NTAN1: variants seen among roughly 807,000 people sequenced by gnomAD.
The protein encoded by NTAN1 is protein N-terminal asparagine amidohydrolase.
In NTAN1, 32 loss-of-function variants were observed where a neutral mutation model predicts 41.9. The ratio of observed to expected loss-of-function variants is 0.76; its 90% CI spans 0.58 to 1.03. The LOEUF is 1.03. Among genes scored for constraint, NTAN1 ranks in the 50% least tolerant of loss-of-function variants. The pLI is 0.00. For synonymous variants in NTAN1, 140 were observed against 139.5 expected (o/e 1.00, Z -0.03); for missense variants, 377 against 377.5 (o/e 1.00, Z 0.01).
chr16:15,053,481 A>T (rs4985149), intron 1 of NTAN1, among the ~76,000 whole-genome samples: 45,661 of 151,770 alleles, frequency 0.3, 7,294 homozygotes, highest in Admixed American at 0.45. Flanking sequence ...TCATTTTTTT[A>T]AAAAAAGTAA....
intron 1 of NTAN1, 21 bp from the exon 2 acceptor site, chr16:15,048,120 T>G: frequency 6.8e-7 from 1 of 1,460,844 alleles, no homozygotes; most frequent in Non-Finnish European, 9.5e-7. Context: ...AAAAAAAAAA[T>G]AAAATAGTGA....
At chr16:15,039,878 A>G (rs1308999906) in intron 8 of NTAN1, 91 bp downstream of exon 8, 2 of 732,720 alleles carry the variant, frequency 2.7e-6, no homozygotes, top group African/African-American at 3.5e-5. Context: ...AGCTGACAGC[A>G]TAAACTTTTC....
At chr16:15,044,472 T>G (rs1247470764) in intron 4 of NTAN1, 65 bp from the exon 5 acceptor site, 3 of 1,046,626 alleles carry the variant, frequency 2.9e-6, no homozygotes, top group Non-Finnish European at 4.5e-6. Flanking sequence ...TGGTCTCACT[T>G]TGAACTTTCA....
intron 9 of NTAN1, 94 bp from the exon 10 acceptor site, chr16:15,038,304 TATATATAATA>T (rs1025976066): frequency 6.8e-6 from 6 of 883,150 alleles, no homozygotes; most frequent in Non-Finnish European, 1.0e-5. Context: ...TGGACACAAA[TATATATAATA>T]AAATACGTTA....
In NTAN1 at chr16:15,047,865, C is replaced by G. The variant is rs1202290663; in HGVS notation, c.240G>C (p.Leu80=). The G allele has an allele frequency of 3.7e-6, 6 of 1,612,560 alleles. No homozygotes were observed. In the Admixed American group the frequency reaches 8.3e-5, roughly 22 times the overall value. The change falls in exon 3 of 10, where the codon CTG becomes CTC. Residue 80 remains leucine (L), a synonymous_variant. Transcript: ENST00000287706. ...CCTCTCTCATCATACCTGTGTGCCT[C>G]AGGACCACAATGTGACAAGTAGTGG... The part of the protein sequence containing the change: ...DDATTCHIVV[L]RHTGNGATCL...
At position 15,055,991 on chromosome 16, in the gene NTAN1, G is replaced by A. The variant is rs939958871; in HGVS notation, c.-20C>T. 7.2e-4 allele frequency: 862 copies of A among 1,202,690 alleles called. 8 individuals are homozygous for A. Among genetic ancestry groups the A allele is most frequent in the Middle Eastern group, 3.2e-4 (1 of 3,086 alleles). 74.5% of individuals were successfully genotyped at this position (1,202,690 alleles called of 1,614,324 possible). A position where few individuals can be genotyped will look rare whatever the true frequency, so the allele number is the denominator to read the frequency against. On this transcript the variant is annotated 5_prime_UTR_variant, in exon 1 of 10. Transcript: ENST00000287706. ...CGGCATCGCGGAGGCGGCCGCCCAG[G>A]CAGGCCCAGGGAGGCGGCGGCCCCC...
At chr16:15,055,259 T>C (rs912685290) in intron 1 of NTAN1, among the ~76,000 whole-genome samples, 1 of 152,152 alleles carries the variant, frequency 6.6e-6, no homozygotes, top group Non-Finnish European at 1.5e-5. Flanking sequence ...GAGATCTATT[T>C]GAGCACAAAA....
intron 5 of NTAN1, 46 bp downstream of exon 5, chr16:15,044,288 C>A (rs757361107): frequency 2.3e-6 from 3 of 1,310,932 alleles, no homozygotes; most frequent in East Asian, 2.3e-5. Flanking sequence ...AATATGGGTA[C>A]ATATTTATGT....
Position 15,044,423 on chromosome 16 carries a change from G to T in NTAN1, c.360-16C>A. On this transcript the variant is annotated splice_polypyrimidine_tract_variant and intron_variant, in intron 4 of 9. Coordinates refer to ENST00000287706, the MANE Select transcript of NTAN1 (RefSeq NM_173474.4). ...TACTTCCAGCCTGGCAAAGAGATGAGACGGGTCAGAGGCCAGAAGAAGACA... is the reference window on the plus strand; with the variant it reads ...TACTTCCAGCCTGGCAAAGAGATGATACGGGTCAGAGGCCAGAAGAAGACA... The T allele has an allele frequency of 6.3e-7, 1 of 1,594,906 alleles. No homozygotes were observed. Among genetic ancestry groups the T allele is most frequent in the Non-Finnish European group, 8.6e-7 (1 of 1,162,536 alleles).
At chr16:15,040,512 T>A in intron 7 of NTAN1, 1 of 174,918 alleles carries the variant, frequency 5.7e-6, no homozygotes, top group Non-Finnish European at 1.2e-5. Flanking sequence ...ATCAATCAAG[T>A]ATCACCGCTA....
chr16:15,040,577 C>G (rs1441928359), intron 7 of NTAN1: 1 of 173,514 alleles, frequency 5.8e-6, no homozygotes, highest in African/African-American at 2.4e-5. Context: ...CCGCGGGAGT[C>G]CTGGGGCTGC....
chr16:15,047,292 T>C (rs1269997298), intron 4 of NTAN1, 150 bp downstream of exon 4: 34 of 632,604 alleles, frequency 5.4e-5, no homozygotes. Context: ...GCTGACGCAG[T>C]GCCCACGTCG....
chr16:15,041,824 TATGGGGCCAGACA>T, intron 5 of NTAN1, 148 bp from the exon 6 acceptor site: 1 of 690,160 alleles, frequency 1.4e-6, no homozygotes, highest in East Asian at 2.8e-5. Flanking sequence ...CAGCCTGGCC[TATGGGGCCAGACA>T]CTAGGGAGCT....
At chr16:15,040,144 C>T (rs2043745842) in intron 7 of NTAN1, 78 bp from the exon 8 acceptor site, 1 of 763,920 alleles carries the variant, frequency 1.3e-6, no homozygotes, top group Non-Finnish European at 2.3e-6. Flanking sequence ...ATTTCTACCA[C>T]CACTCCTAAG....
At chr16:15,038,304 T>A in intron 9 of NTAN1, 94 bp from the exon 10 acceptor site, 1 of 883,268 alleles carries the variant, frequency 1.1e-6, no homozygotes, top group Non-Finnish European at 1.7e-6. Flanking sequence ...TGGACACAAA[T>A]ATATATAATA....
At chr16:15,053,563 T>TC (rs1376218942) in intron 1 of NTAN1, among the ~76,000 whole-genome samples, 1 of 152,234 alleles carries the variant, frequency 6.6e-6, no homozygotes, top group Non-Finnish European at 1.5e-5. Flanking sequence ...TACTTTTTTT[T>TC]CTGTATTATT....
intron 1 of NTAN1, among the ~76,000 whole-genome samples, chr16:15,052,011 T>TA (rs879576261): frequency 1.9e-3 from 270 of 143,358 alleles, no homozygotes; most frequent in African/African-American, 5.4e-3. Flanking sequence ...AATATTTGCT[T>TA]AAAAAAAAAA....
intron 3 of NTAN1, 97 bp downstream of exon 3, chr16:15,047,758 T>C (rs1347067378): frequency 9.0e-6 from 10 of 1,115,766 alleles, no homozygotes; most frequent in African/African-American, 3.1e-5. Context: ...CGGAGTCCGC[T>C]TCCAACAAGA....
intron 4 of NTAN1, chr16:15,045,420 T>C (rs1181846563): frequency 6.6e-6 from 1 of 151,962 alleles, no homozygotes; most frequent in Non-Finnish European, 1.5e-5. Context: ...TGAGCCAAGA[T>C]TGCATCACTG....
Sources: gnomAD v4.1 joint callset for allele counts (sites outside exome capture counted in the v4.1 genomes callset) on GRCh38, gnomAD v4.1.1 for gene constraint, MANE v1.5 for transcripts, NCBI Gene and HGNC (gene_info 2026-07-23, HGNC 2026-07-21) for gene names.